The following SEC24A variants were observed in gnomAD, a reference collection of about 807,000 sequenced individuals.
SEC24A encodes the protein protein transport protein Sec24A.
A neutral mutation model predicts 129.4 loss-of-function variants in SEC24A; 93 were observed. The ratio of observed to expected loss-of-function variants is 0.72; its 90% CI spans 0.61 to 0.85. The LOEUF (loss-of-function observed/expected upper bound fraction) is 0.85. SEC24A is among the 40% of genes least tolerant of loss of function. The pLI is 0.00. For missense variants in SEC24A, 1,264 were observed against 1,307.4 expected (o/e 0.97, Z 0.51); for synonymous variants, 460 against 467.3 (o/e 0.98, Z 0.20).
intron 13 of SEC24A, among the ~76,000 whole-genome samples, chr5:134,694,386 G>A (rs548542516): frequency 9.2e-5 from 14 of 152,214 alleles, no homozygotes; most frequent in East Asian, 5.8e-4. Context: ...TTGGCTGGGC[G>A]CGGTGGCTCA....
chr5:134,682,787 G>T (rs1470457847), intron 9 of SEC24A, among the ~76,000 whole-genome samples: 1 of 152,002 alleles, frequency 6.6e-6, no homozygotes, highest in African/African-American at 2.4e-5. Context: ...GGCTGGTCTC[G>T]AATTCCTGGG....
At chr5:134,665,404 G>A (rs1425229010) in intron 2 of SEC24A, among the ~76,000 whole-genome samples, 1 of 149,914 alleles carries the variant, frequency 6.7e-6, no homozygotes, top group Non-Finnish European at 1.5e-5. Flanking sequence ...GCAGTGAGCC[G>A]AGATTGCGCC....
intron 3 of SEC24A, among the ~76,000 whole-genome samples, chr5:134,669,417 C>T (rs1263736116): frequency 6.6e-6 from 1 of 152,012 alleles, no homozygotes; most frequent in Non-Finnish European, 1.5e-5. Flanking sequence ...CCTCCTGCCT[C>T]ACCCTCCCAA....
At chr5:134,649,545 CT>C (rs1749978900) in intron 1 of SEC24A, among the ~76,000 whole-genome samples, 1 of 152,142 alleles carries the variant, frequency 6.6e-6, no homozygotes, top group Admixed American at 6.6e-5. Flanking sequence ...GGGTCTGATT[CT>C]TCTGGGTTCC....
At position 134,725,313 on chromosome 5, in the gene SEC24A, C is replaced by T. The variant is rs1752733340; in HGVS notation, c.*219C>T. ...TATTTTTCAAATCAGAATATAGCTACGTATGATTGGATACTTTTTTCTTGC... is the reference window on the plus strand; with the variant it reads ...TATTTTTCAAATCAGAATATAGCTATGTATGATTGGATACTTTTTTCTTGC... On this transcript the variant is annotated 3_prime_UTR_variant, in exon 23 of 23. Transcript: ENST00000398844. The T allele has an allele frequency of 5.4e-6, 2 of 370,220 alleles. No homozygotes were observed. Among genetic ancestry groups the T allele is most frequent in the Admixed American group, 4.7e-5 (1 of 21,360 alleles). 22.9% of individuals were successfully genotyped at this position (370,220 alleles called of 1,614,324 possible). A position where few individuals can be genotyped will look rare whatever the true frequency, so the allele number is the denominator to read the frequency against.
At chr5:134,658,164 G>A (rs1312230860) in intron 1 of SEC24A, among the ~76,000 whole-genome samples, 1 of 152,142 alleles carries the variant, frequency 6.6e-6, no homozygotes, top group East Asian at 1.9e-4. Context: ...CTACTCGAGA[G>A]GCTGAATGAG....
Position 134,688,235 on chromosome 5 carries a change from C to G in SEC24A, c.1659C>G (p.Ile553Met). 2 of 1,613,322 alleles carry G rather than the reference C, an allele frequency of 1.2e-6. No homozygotes were observed. Among genetic ancestry groups the G allele is most frequent in the Non-Finnish European group, 1.7e-6 (2 of 1,179,410 alleles). Residue 553 changes from isoleucine (I) to methionine (M), a missense_variant, in exon 11 of 23, where the codon ATC (isoleucine) becomes ATG (methionine). Physicochemically the swap from Ile to Met is conservative, Grantham distance 10 (BLOSUM62 1). Coordinates refer to ENST00000398844, the MANE Select transcript of SEC24A (RefSeq NM_021982.3). Reference protein sequence around the residue: ...KIGFITFDSTIHFYGLQESLS... With the variant: ...KIGFITFDSTMHFYGLQESLS... ...GCTTCATAACATTTGACAGTACAAT[C>G]CATTTCTACGGTCTTCAGGAAAGTC...
At chr5:134,653,448 A>C (rs1440975563) in intron 1 of SEC24A, among the ~76,000 whole-genome samples, 1 of 151,058 alleles carries the variant, frequency 6.6e-6, no homozygotes, top group Non-Finnish European at 1.5e-5. Flanking sequence ...ACAGAGCTGC[A>C]CTCTGTTGCC....
chr5:134,721,561 C>CAAAAA (rs757908828), intron 21 of SEC24A, among the ~76,000 whole-genome samples: 1 of 55,410 alleles, frequency 1.8e-5, no homozygotes, highest in Admixed American at 2.1e-4. Context: ...GACTCCATCT[C>CAAAAA]AAAAAAAAAA....
chr5:134,690,457 G>A (rs1001173200), intron 11 of SEC24A, among the ~76,000 whole-genome samples: 1 of 152,122 alleles, frequency 6.6e-6, no homozygotes, highest in African/African-American at 2.4e-5. Context: ...GGAAATACAG[G>A]CACACGCTAC....
At chr5:134,699,677 A>G (rs1271697960) in intron 15 of SEC24A, among the ~76,000 whole-genome samples, 1 of 140,854 alleles carries the variant, frequency 7.1e-6, no homozygotes, top group Non-Finnish European at 1.5e-5. Flanking sequence ...AAAGTGGGGG[A>G]TCTCTTAGTT....
chr5:134,649,170 A>G lies in SEC24A; in HGVS notation c.94A>G (p.Asn32Asp). Residue 32 changes from asparagine (N) to aspartate (D), a missense_variant, in exon 1 of 23, where the codon AAC becomes GAC. Physicochemically the swap from Asn to Asp is conservative, Grantham distance 23. Transcript: ENST00000398844. Reference sequence around the variant, plus strand: ...CTTGGCCTCGGGGTCTCCCTACACCAACGGTGAGTGCTGTCCGGGGGGAGG... The same window carrying G: ...CTTGGCCTCGGGGTCTCCCTACACCGACGGTGAGTGCTGTCCGGGGGGAGG... ...AALASGSPYTNGPVQNALLSS... is the reference protein window; with the variant it reads ...AALASGSPYTDGPVQNALLSS... 2.5e-6 allele frequency: 4 copies of G among 1,602,760 alleles called. No homozygotes were observed. The highest frequency in any genetic ancestry group is 3.4e-6 in the Non-Finnish European group (4 of 1,174,126).
intron 1 of SEC24A, among the ~76,000 whole-genome samples, chr5:134,659,121 G>C (rs1483277727): frequency 6.6e-6 from 1 of 150,898 alleles, no homozygotes; most frequent in Non-Finnish European, 1.5e-5. Flanking sequence ...ACCCAGGCTG[G>C]AGTGCAGTGG....
Position 134,697,933 on chromosome 5 carries a change from T to TTA in SEC24A, c.2143_2144dup (p.Tyr716ThrfsTer35). The TTA allele has an allele frequency of 6.2e-7, 1 of 1,613,988 alleles. No individual in the cohort carries two copies. On this transcript the variant is annotated frameshift_variant, in exon 15 of 23. Coordinates refer to ENST00000398844, the MANE Select transcript of SEC24A (RefSeq NM_021982.3). LOFTEE classifies it high-confidence loss of function. ...CTCGGTATTCAGCAGGTAGTGTCTA[T>TTA]TACTATCCCTCTTACCATCATCAGC...
intron 12 of SEC24A, 162 bp downstream of exon 12, chr5:134,692,819 C>A: frequency 1.4e-6 from 1 of 705,428 alleles, no homozygotes; most frequent in East Asian, 2.7e-5. Flanking sequence ...TTGAGTTCAA[C>A]CTTGAGCTGA....
At chr5:134,721,488 A>C (rs926040540) in intron 21 of SEC24A, among the ~76,000 whole-genome samples, 1 of 149,198 alleles carries the variant, frequency 6.7e-6, no homozygotes, top group South Asian at 2.1e-4. Flanking sequence ...GCTTGAACCC[A>C]GGAGGTGGAC....
intron 18 of SEC24A, among the ~76,000 whole-genome samples, chr5:134,710,453 T>C (rs745532903): frequency 2.4e-4 from 37 of 152,050 alleles, no homozygotes; most frequent in Middle Eastern, 3.2e-3. Context: ...GGCTGGTTTC[T>C]AACGCCCAAC....
chr5:134,711,090 T>C (rs1752313359), intron 18 of SEC24A, among the ~76,000 whole-genome samples: 1 of 152,086 alleles, frequency 6.6e-6, no homozygotes, highest in African/African-American at 2.4e-5. Flanking sequence ...GAGCTGAGAT[T>C]GCACCACTGC....
chr5:134,715,191 C>T (rs530169332), intron 19 of SEC24A, 30 bp downstream of exon 19: 1 of 1,586,716 alleles, frequency 6.3e-7, no homozygotes, highest in African/African-American at 1.3e-5. Flanking sequence ...TGTGGTTTTA[C>T]TTGAAGATTA....
Sources: allele counts gnomAD v4.1 joint callset (sites outside exome capture counted in the v4.1 genomes callset), GRCh38; gene constraint gnomAD v4.1.1; transcripts MANE v1.5; gene names NCBI Gene and HGNC (gene_info 2026-07-23, HGNC 2026-07-21).